ANKFN1: variants seen among roughly 807,000 people sequenced by gnomAD.
ANKFN1 encodes ankyrin repeat and fibronectin type III domain containing 1.
In ANKFN1, 74 loss-of-function variants were observed where a neutral mutation model predicts 108.7. That is an observed-to-expected ratio of 0.68 (90% CI 0.56 to 0.83). The LOEUF (loss-of-function observed/expected upper bound fraction) is 0.83. ANKFN1 is among the 40% of genes least tolerant of loss of function. The pLI, the probability that ANKFN1 is intolerant of heterozygous loss-of-function variation, is 0.00. For missense variants in ANKFN1, 1,505 were observed against 1,382.3 expected (o/e 1.09, Z -1.41); for synonymous variants, 547 against 516.2 (o/e 1.06, Z -0.81).
intron 1 of ANKFN1, among the ~76,000 whole-genome samples, chr17:56,200,505 A>G (rs937014543): frequency 6.6e-6 from 1 of 152,232 alleles, no homozygotes; most frequent in Non-Finnish European, 1.5e-5. Context: ...TATTACACAG[A>G]ACCTCAACAT....
At chr17:56,460,452 A>AAAAAT (rs61400496) in intron 14 of ANKFN1, among the ~76,000 whole-genome samples, 9,519 of 151,164 alleles carry the variant, frequency 0.063, 1,026 homozygotes, top group African/African-American at 0.22. Flanking sequence ...GACCTTGTCT[A>AAAAAT]AAAATAAAAT....
At chr17:56,456,837 T>A (rs919690950) in intron 11 of ANKFN1, 24 bp from the exon 12 acceptor site, 1 of 1,599,092 alleles carries the variant, frequency 6.3e-7, no homozygotes, top group African/African-American at 1.3e-5. Flanking sequence ...GAATTTATAC[T>A]GTATTTTTTA....
intron 8 of ANKFN1, among the ~76,000 whole-genome samples, chr17:56,391,263 G>C (rs909669534): frequency 7.3e-6 from 1 of 137,638 alleles, no homozygotes; most frequent in African/African-American, 2.8e-5. Context: ...GTGTGTGTGT[G>C]TGTGTACATA....
At chr17:56,326,045 C>T (rs540422512) in intron 3 of ANKFN1, among the ~76,000 whole-genome samples, 176 bp from the exon 4 acceptor site, 5 of 152,326 alleles carry the variant, frequency 3.3e-5, no homozygotes, top group Admixed American at 3.3e-4. Context: ...AGGAATCAAG[C>T]CTTCCCCAGG....
intron 4 of ANKFN1, among the ~76,000 whole-genome samples, chr17:56,117,955 C>T (rs62072968): frequency 0.1 from 15,688 of 152,108 alleles, 1,164 homozygotes; most frequent in East Asian, 0.28. Context: ...TTGCCCATTC[C>T]ACACATTTCT....
At chr17:56,488,114 G>T (rs2050912434) in intron 18 of ANKFN1, among the ~76,000 whole-genome samples, 1 of 152,174 alleles carries the variant, frequency 6.6e-6, no homozygotes, top group East Asian at 1.9e-4. Flanking sequence ...GGTCTTATTA[G>T]ATTTTGACAG....
At chr17:56,220,396 G>A (rs952224108) in intron 2 of ANKFN1, among the ~76,000 whole-genome samples, 3 of 152,162 alleles carry the variant, frequency 2.0e-5, no homozygotes, top group African/African-American at 7.2e-5. Context: ...GCTCACGCCT[G>A]TAATTTTAGC....
chr17:56,494,224 A>C (rs909184641), intron 19 of ANKFN1, among the ~76,000 whole-genome samples: 3 of 152,152 alleles, frequency 2.0e-5, no homozygotes, highest in Non-Finnish European at 4.4e-5. Flanking sequence ...ATCTTAGGTG[A>C]CCTCTCAGAA....
At chr17:56,297,958 G>A (rs570045068) in intron 3 of ANKFN1, among the ~76,000 whole-genome samples, 9 of 152,178 alleles carry the variant, frequency 5.9e-5, no homozygotes, top group South Asian at 2.1e-4. Context: ...ATGCTCCTAC[G>A]GCAATATACA....
chr17:56,180,730 C>A (rs1911610174), intron 1 of ANKFN1, among the ~76,000 whole-genome samples: 1 of 152,268 alleles, frequency 6.6e-6, no homozygotes, highest in Non-Finnish European at 1.5e-5. Flanking sequence ...TAAAAGTCAA[C>A]AGCTAAATAT....
intron 1 of ANKFN1, among the ~76,000 whole-genome samples, chr17:56,188,254 T>G (rs1483301363): frequency 6.6e-6 from 1 of 151,962 alleles, no homozygotes; most frequent in Non-Finnish European, 1.5e-5. Flanking sequence ...TATCCAAAAC[T>G]TAATGGCTTT....
intron 1 of ANKFN1, among the ~76,000 whole-genome samples, chr17:56,186,276 G>C (rs1339758247): frequency 6.6e-6 from 1 of 151,678 alleles, no homozygotes; most frequent in Non-Finnish European, 1.5e-5. Context: ...ACCTGGGAGA[G>C]GGGCCGTGCC....
chr17:56,219,073 A>G (rs1205344833), intron 2 of ANKFN1, among the ~76,000 whole-genome samples: 3 of 151,326 alleles, frequency 2.0e-5, no homozygotes, highest in African/African-American at 7.3e-5. Flanking sequence ...CAATAATAAA[A>G]TAATCACCGT....
intron 4 of ANKFN1, among the ~76,000 whole-genome samples, chr17:56,131,159 T>G (rs1907259114): frequency 6.6e-6 from 1 of 152,208 alleles, no homozygotes; most frequent in Non-Finnish European, 1.5e-5. Flanking sequence ...CAAATGGAAG[T>G]TGTCACTTTG....
intron 8 of ANKFN1, among the ~76,000 whole-genome samples, chr17:56,415,693 T>C (rs1402612113): frequency 6.6e-6 from 1 of 152,076 alleles, no homozygotes; most frequent in Non-Finnish European, 1.5e-5. Context: ...ATGACATTCT[T>C]CATAGAAATA....
rs916139830 is a variant in ANKFN1 at position 56,511,244 on chromosome 17, C to G, written c.3416C>G (p.Ser1139Ter). The G allele has an allele frequency of 1.5e-5, 23 of 1,530,578 alleles. No homozygotes were observed. The Admixed American group carries it at 4.3e-4, about 29-fold the overall frequency. 94.8% of individuals were successfully genotyped at this position (1,530,578 alleles called of 1,614,324 possible). Residue 1139 changes from serine (S) to a stop codon, truncating the protein, a stop_gained, in exon 21 of 21, where the codon TCA (serine) becomes TGA (stop). Transcript: ENST00000682825. LOFTEE classifies it high-confidence loss of function. ...SQEGPTASPM[S>*]EILSSML ...GAGGGCCCCACCGCCTCTCCCATGT[C>G]AGAAATACTCAGCAGCATGCTTTAG...
intron 8 of ANKFN1, among the ~76,000 whole-genome samples, chr17:56,381,410 C>A (rs1344510941): frequency 6.6e-6 from 1 of 152,180 alleles, no homozygotes; most frequent in African/African-American, 2.4e-5. Context: ...CAGTTCCTCA[C>A]CAGCAACGGA....
At position 56,498,944 on chromosome 17, in the gene ANKFN1, C is replaced by T. The variant is rs941743427; in HGVS notation, c.2490C>T (p.Tyr830=). The stretch of plus-strand genomic sequence containing the variant: ...TGGATGCTCTACAGTATGCAAGATA[C>T]AAACAACCAGTTTCTGGCTTGCCCA... ...WIMDALQYAR[Y]KQPVSGLPIT... Residue 830 remains tyrosine (Y), a synonymous_variant, in exon 20 of 21, where the codon TAC becomes TAT. Coordinates refer to ENST00000682825, the MANE Select transcript of ANKFN1 (RefSeq NM_001370326.1). 1 of 1,535,572 alleles carries T rather than the reference C, an allele frequency of 6.5e-7. No homozygotes were observed. Among genetic ancestry groups the T allele is most frequent in the African/African-American group, 1.4e-5 (1 of 72,996 alleles).
intron 4 of ANKFN1, among the ~76,000 whole-genome samples, chr17:56,144,542 T>A (rs1908141633): frequency 6.6e-6 from 1 of 152,200 alleles, no homozygotes; most frequent in African/African-American, 2.4e-5. Flanking sequence ...CGGGAGTCCC[T>A]AGAATGAGAG....
Sources: gnomAD v4.1 joint callset for allele counts (sites outside exome capture counted in the v4.1 genomes callset) on GRCh38, gnomAD v4.1.1 for gene constraint, MANE v1.5 for transcripts, NCBI Gene and HGNC (gene_info 2026-07-23, HGNC 2026-07-21) for gene names.